The following GALNTL6 variants were observed in gnomAD, a reference collection of about 807,000 sequenced individuals.
GALNTL6 encodes polypeptide N-acetylgalactosaminyltransferase like 6.
Under a neutral mutation model 73.7 loss-of-function variants are expected in GALNTL6, and 46 were observed. The ratio of observed to expected loss-of-function variants is 0.62; its 90% CI spans 0.49 to 0.80. GALNTL6 has a LOEUF of 0.80. Among genes scored for constraint, GALNTL6 ranks in the 30% least tolerant of loss-of-function variants. GALNTL6 has a pLI of 0.00. For missense variants in GALNTL6, 604 were observed against 755.0 expected, an observed-to-expected ratio of 0.80 and a Z score of 2.34; for synonymous variants, 259 against 263.7, an observed-to-expected ratio of 0.98 and a Z score of 0.17.
intron 5 of GALNTL6, among the ~76,000 whole-genome samples, chr4:172,387,089 A>G (rs1207656056): frequency 1.3e-5 from 2 of 152,168 alleles, no homozygotes; most frequent in Non-Finnish European, 2.9e-5. Flanking sequence ...TACTAATACC[A>G]TCCTGAGGGC....
At chr4:172,387,435 G>A (rs1743512008) in intron 5 of GALNTL6, among the ~76,000 whole-genome samples, 1 of 151,748 alleles carries the variant, frequency 6.6e-6, no homozygotes, top group Non-Finnish European at 1.5e-5. Context: ...AAACTTTTTG[G>A]TTGACTTCTT....
chr4:172,180,887 C>T (rs1006601610), intron 2 of GALNTL6, among the ~76,000 whole-genome samples: 4 of 152,160 alleles, frequency 2.6e-5, no homozygotes, highest in African/African-American at 4.8e-5. Context: ...TAGTGTGATG[C>T]CTCAAGCTTT....
intron 5 of GALNTL6, among the ~76,000 whole-genome samples, chr4:172,440,830 T>C (rs1385263771): frequency 6.6e-6 from 1 of 152,134 alleles, no homozygotes; most frequent in Non-Finnish European, 1.5e-5. Context: ...TCTTACTGAT[T>C]CATAAAAGCT....
intron 2 of GALNTL6, among the ~76,000 whole-genome samples, chr4:172,217,544 T>C (rs538173513): frequency 6.6e-6 from 1 of 152,358 alleles, no homozygotes; most frequent in South Asian, 2.1e-4. Flanking sequence ...ACGTTTGTTC[T>C]ACTGATAAAG....
At chr4:172,387,093 T>C (rs1237168337) in intron 5 of GALNTL6, among the ~76,000 whole-genome samples, 2 of 152,184 alleles carry the variant, frequency 1.3e-5, no homozygotes, top group Non-Finnish European at 2.9e-5. Context: ...AATACCATCC[T>C]GAGGGCCCCA....
chr4:171,897,283 A>G (rs1047823474), intron 2 of GALNTL6, among the ~76,000 whole-genome samples: 2 of 152,200 alleles, frequency 1.3e-5, no homozygotes, highest in African/African-American at 2.4e-5. Flanking sequence ...TATGTAAAAT[A>G]AGGAACCTCT....
intron 5 of GALNTL6, among the ~76,000 whole-genome samples, chr4:172,732,346 A>G (rs1431342574): frequency 2.0e-5 from 3 of 152,128 alleles, no homozygotes; most frequent in Non-Finnish European, 4.4e-5. Flanking sequence ...TAATGTCAAT[A>G]TAGTTATTCC....
chr4:172,095,047 C>A (rs1486380807), intron 2 of GALNTL6, among the ~76,000 whole-genome samples: 1 of 150,186 alleles, frequency 6.7e-6, no homozygotes, highest in Non-Finnish European at 1.5e-5. Context: ...ATTTTCAGAG[C>A]TTTGCTTACT....
At chr4:171,934,854 T>A (rs2111002699) in intron 2 of GALNTL6, among the ~76,000 whole-genome samples, 1 of 152,332 alleles carries the variant, frequency 6.6e-6, no homozygotes, top group South Asian at 2.1e-4. Flanking sequence ...TCTTTAAATC[T>A]GCTTGGTGGA....
At chr4:172,123,214 G>A (rs1375982449) in intron 2 of GALNTL6, among the ~76,000 whole-genome samples, 2 of 152,084 alleles carry the variant, frequency 1.3e-5, no homozygotes, top group African/African-American at 4.8e-5. Context: ...TTCCAGTTAA[G>A]GCTTTGTTTT....
At chr4:172,660,606 T>C (rs908314172) in intron 5 of GALNTL6, among the ~76,000 whole-genome samples, 6 of 152,186 alleles carry the variant, frequency 3.9e-5, no homozygotes, top group African/African-American at 1.4e-4. Flanking sequence ...TGCTTGTCAT[T>C]CATGTATTAA....
intron 3 of GALNTL6, among the ~76,000 whole-genome samples, chr4:172,271,219 C>T (rs1337639690): frequency 6.6e-6 from 1 of 152,012 alleles, no homozygotes; most frequent in Non-Finnish European, 1.5e-5. Flanking sequence ...ATATACGTTG[C>T]CTCACCAGAA....
chr4:172,499,495 C>A (rs338015), intron 5 of GALNTL6, among the ~76,000 whole-genome samples: 111,758 of 152,150 alleles, frequency 0.73, 42,735 homozygotes, highest in East Asian at 0.99. Flanking sequence ...GTTATAGCAC[C>A]CTGAATTAAC....
intron 5 of GALNTL6, among the ~76,000 whole-genome samples, chr4:172,517,483 C>T (rs1300025143): frequency 2.0e-5 from 3 of 152,056 alleles, no homozygotes; most frequent in African/African-American, 7.2e-5. Context: ...CTCATTAAAA[C>T]GTGGAGTAGC....
intron 2 of GALNTL6, among the ~76,000 whole-genome samples, chr4:171,852,405 C>G (rs1189068524): frequency 6.6e-6 from 1 of 151,898 alleles, no homozygotes; most frequent in Admixed American, 6.6e-5. Context: ...CTTAAAGAAA[C>G]TTGAAAACTA....
intron 5 of GALNTL6, among the ~76,000 whole-genome samples, chr4:172,684,272 C>T (rs972017763): frequency 2.0e-5 from 3 of 152,170 alleles, no homozygotes; most frequent in African/African-American, 7.2e-5. Context: ...CTTCCATCTA[C>T]TTCATTCATT....
intron 5 of GALNTL6, among the ~76,000 whole-genome samples, chr4:172,621,433 C>T (rs981489419): frequency 6.6e-6 from 1 of 152,134 alleles, no homozygotes; most frequent in Admixed American, 6.6e-5. Context: ...TAGTTCTTGT[C>T]TTTCACAATT....
chr4:172,249,748 T>A (rs1253292670), intron 3 of GALNTL6, among the ~76,000 whole-genome samples: 2 of 152,180 alleles, frequency 1.3e-5, no homozygotes, highest in Non-Finnish European at 2.9e-5. Flanking sequence ...AGCTTCCAGG[T>A]CGTGTAGGTC....
At chr4:172,079,184 T>G (rs968455151) in intron 2 of GALNTL6, among the ~76,000 whole-genome samples, 2 of 151,344 alleles carry the variant, frequency 1.3e-5, no homozygotes, top group African/African-American at 2.4e-5. Flanking sequence ...GTAGTAAAGT[T>G]TATCCTCACT....
Sources: allele counts gnomAD v4.1 joint callset (sites outside exome capture counted in the v4.1 genomes callset), GRCh38; gene constraint gnomAD v4.1.1; transcripts MANE v1.5; gene names NCBI Gene and HGNC (gene_info 2026-07-23, HGNC 2026-07-21).